The following NAV3 variants were observed in gnomAD, a reference collection of about 807,000 sequenced individuals.
NAV3 encodes the protein neuron navigator 3, also known as pore membrane and/or filament interacting like protein 1.
NAV3 carries 87 observed loss-of-function variants against 244.7 expected under a neutral mutation model. The ratio of observed to expected loss-of-function variants is 0.36; its 90% CI spans 0.30 to 0.42. The LOEUF (loss-of-function observed/expected upper bound fraction) is 0.42. Ranked by LOEUF, NAV3 falls within the 20% of genes least tolerant of loss-of-function variation. The pLI, the probability that NAV3 is intolerant of heterozygous loss-of-function variation, is 1.00. For synonymous variants in NAV3, 1,126 were observed against 1,042.2 expected (o/e 1.08, Z -1.55); for missense variants, 2,663 against 2,893.3 (o/e 0.92, Z 1.83).
At chr12:78,146,060 A>G (rs906961743) in intron 20 of NAV3, among the ~76,000 whole-genome samples, 3 of 152,162 alleles carry the variant, frequency 2.0e-5, no homozygotes, top group Middle Eastern at 3.4e-3. Context: ...TTTTATAACT[A>G]TTTGGTTTAT....
chr12:77,855,284 A>G (rs1436648820), intron 1 of NAV3, among the ~76,000 whole-genome samples: 1 of 152,180 alleles, frequency 6.6e-6, no homozygotes, highest in Non-Finnish European at 1.5e-5. Flanking sequence ...AAATTTCAAT[A>G]TATTTTTGCC....
chr12:77,644,137 T>C lies in NAV3; in HGVS notation c.72+71871T>C, dbSNP rs538761320. 1.4e-4 allele frequency among the ~76,000 whole-genome samples: 21 copies of C among 152,202 alleles called. 1 individual carries two copies. The South Asian group carries it at 3.3e-3, about 24-fold the overall frequency. ...TTCAATGTAAAAGAAAGTAGAACTT[T>C]AGACCTGAGAGGCACCTGTCCACCC... On this transcript the variant is annotated intron_variant, in intron 2 of 8. Transcript: ENST00000550042.
At chr12:77,960,003 T>A (rs897960231) in intron 3 of NAV3, among the ~76,000 whole-genome samples, 3 of 149,918 alleles carry the variant, frequency 2.0e-5, no homozygotes, top group African/African-American at 7.4e-5. Flanking sequence ...TAACTGATGC[T>A]ATGTCTAAAT....
chr12:77,979,712 GAA>G lies in NAV3; in HGVS notation c.671+11023_671+11024del, dbSNP rs150656996. ...AAGATGTGAAACGAAAAAAAAAAAA[GAA>G]AAAAAAAAAAAAGCCTTCTCTTTCT... On this transcript the variant is annotated intron_variant, in intron 5 of 39. Transcript: ENST00000397909. Among the ~76,000 whole-genome samples, 12 of 121,654 alleles carry G rather than the reference GAA, an allele frequency of 9.9e-5. No homozygotes were observed. In the South Asian group the frequency reaches 2.4e-3, roughly 25 times the overall value. 79.8% of individuals were successfully genotyped at this position (121,654 alleles called of 152,430 possible). A position where few individuals can be genotyped will look rare whatever the true frequency, so the allele number is the denominator to read the frequency against.
chr12:77,867,048 CA>C (rs1880152853), intron 1 of NAV3, among the ~76,000 whole-genome samples: 1 of 152,180 alleles, frequency 6.6e-6, no homozygotes, highest in Non-Finnish European at 1.5e-5. Context: ...CTAAAACACT[CA>C]AGTAACTAGT....
At chr12:78,112,770 T>C (rs1354781225) in intron 12 of NAV3, among the ~76,000 whole-genome samples, 1 of 151,982 alleles carries the variant, frequency 6.6e-6, no homozygotes, top group African/African-American at 2.4e-5. Flanking sequence ...GTTCTCACAA[T>C]TCAAATACAA....
intron 2 of NAV3, among the ~76,000 whole-genome samples, chr12:77,615,495 T>C (rs1871112576): frequency 6.6e-6 from 1 of 152,156 alleles, no homozygotes; most frequent in South Asian, 2.1e-4. Context: ...CTGTGTTAGT[T>C]TGCATAGGAT....
chr12:77,723,089 T>C (rs545880542), intron 2 of NAV3, among the ~76,000 whole-genome samples: 16 of 152,122 alleles, frequency 1.1e-4, no homozygotes, highest in African/African-American at 3.9e-4. Flanking sequence ...TTATTAATTT[T>C]CTGTAAAATA....
chr12:77,979,846 C>T (rs1040303451), intron 5 of NAV3, among the ~76,000 whole-genome samples: 16 of 152,006 alleles, frequency 1.1e-4, no homozygotes, highest in African/African-American at 3.9e-4. Flanking sequence ...TGGTCTAGGT[C>T]CTGCTGTGTG....
At chr12:77,940,230 T>TCC in intron 1 of NAV3, 89 bp from the exon 2 acceptor site, 1 of 904,276 alleles carries the variant, frequency 1.1e-6, no homozygotes, top group Non-Finnish European at 1.8e-6. Flanking sequence ...CAGAATAGCT[T>TCC]CCCTTTGAAT....
chr12:78,121,635 G>C (rs925387812), intron 15 of NAV3, among the ~76,000 whole-genome samples: 1 of 152,128 alleles, frequency 6.6e-6, no homozygotes, highest in Admixed American at 6.5e-5. Flanking sequence ...TACTGACTTT[G>C]AGTGAAAGTC....
At chr12:78,121,341 C>T (rs1566165417) in intron 15 of NAV3, among the ~76,000 whole-genome samples, 1 of 152,090 alleles carries the variant, frequency 6.6e-6, no homozygotes, top group African/African-American at 2.4e-5. Flanking sequence ...ACATAAAACC[C>T]TTTGGCCTCT....
chr12:78,055,184 TG>T (rs1883303664), intron 11 of NAV3, among the ~76,000 whole-genome samples: 1 of 152,022 alleles, frequency 6.6e-6, no homozygotes, highest in African/African-American at 2.4e-5. Context: ...TTCATATTTT[TG>T]TAGCAGTCCA....
chr12:78,153,561 A>T (rs1436397851), intron 22 of NAV3, among the ~76,000 whole-genome samples: 5 of 152,100 alleles, frequency 3.3e-5, no homozygotes, highest in Non-Finnish European at 7.4e-5. Flanking sequence ...CCACACCTTA[A>T]GGCAGCTGGG....
At chr12:77,977,474 C>T (rs754043957) in intron 5 of NAV3, among the ~76,000 whole-genome samples, 4 of 131,360 alleles carry the variant, frequency 3.0e-5, no homozygotes, top group South Asian at 5.2e-4. Flanking sequence ...TTTTGGTATT[C>T]GATTTTGTAA....
chr12:78,136,914 A>G (rs144851081), intron 18 of NAV3, among the ~76,000 whole-genome samples: 339 of 152,314 alleles, frequency 2.2e-3, no homozygotes, highest in African/African-American at 7.9e-3. Context: ...ATTTCTAGCA[A>G]GAGCAGTAGA....
intron 12 of NAV3, among the ~76,000 whole-genome samples, chr12:78,073,443 T>C (rs1189799955): frequency 6.6e-6 from 1 of 151,612 alleles, no homozygotes; most frequent in Non-Finnish European, 1.5e-5. Flanking sequence ...CACAATTGCT[T>C]CAAAGAGAAT....
intron 2 of NAV3, among the ~76,000 whole-genome samples, chr12:77,796,949 A>G (rs979696159): frequency 2.6e-5 from 4 of 152,196 alleles, no homozygotes; most frequent in Non-Finnish European, 5.9e-5. Flanking sequence ...ACTCACTATC[A>G]TAATATTTAC....
intron 22 of NAV3, among the ~76,000 whole-genome samples, chr12:78,154,539 C>A (rs868865462): frequency 6.6e-6 from 1 of 151,056 alleles, no homozygotes; most frequent in African/African-American, 2.4e-5. Flanking sequence ...TTGCACCAGC[C>A]TAATACATTG....
Sources: allele counts gnomAD v4.1 joint callset (sites outside exome capture counted in the v4.1 genomes callset), GRCh38; gene constraint gnomAD v4.1.1; transcripts MANE v1.5; gene names NCBI Gene and HGNC (gene_info 2026-07-23, HGNC 2026-07-21).